The following DLG2 variants were observed in gnomAD, a reference collection of about 807,000 sequenced individuals.
DLG2 encodes disks large homolog 2.
A neutral mutation model predicts 132.5 loss-of-function variants in DLG2; 45 were observed. The observed-to-expected ratio is 0.34, with a 90% CI of 0.27 to 0.44. DLG2 has a LOEUF of 0.44. Among genes scored for constraint, DLG2 ranks in the 20% least tolerant of loss-of-function variants. The pLI, the probability that DLG2 is intolerant of heterozygous loss-of-function variation, is 1.00. For missense variants in DLG2, 1,045 were observed against 1,196.9 expected (o/e 0.87, Z 1.87); for synonymous variants, 424 against 419.6 (o/e 1.01, Z -0.13).
At chr11:85,609,676 C>T (rs976554454) in intron 2 of DLG2, among the ~76,000 whole-genome samples, 4 of 152,182 alleles carry the variant, frequency 2.6e-5, no homozygotes, top group African/African-American at 9.7e-5. Context: ...GACCCAACAA[C>T]AGGACTGAGG....
chr11:83,466,144 C>T (rs547964611), intron 26 of DLG2, among the ~76,000 whole-genome samples: 6 of 152,198 alleles, frequency 3.9e-5, no homozygotes, highest in Non-Finnish European at 7.4e-5. Flanking sequence ...CTATTAAGAA[C>T]GATGTTCTAT....
At chr11:84,671,213 C>A (rs1420553427) in intron 6 of DLG2, among the ~76,000 whole-genome samples, 2 of 151,972 alleles carry the variant, frequency 1.3e-5, no homozygotes, top group East Asian at 1.9e-4. Flanking sequence ...ATCCTCCTAT[C>A]TCAGCCTTCT....
At chr11:85,004,325 C>T (rs551839343) in intron 6 of DLG2, among the ~76,000 whole-genome samples, 1 of 152,306 alleles carries the variant, frequency 6.6e-6, no homozygotes, top group South Asian at 2.1e-4. Context: ...AACTAATTTA[C>T]ACTCCCACCA....
At chr11:84,704,237 G>A (rs2059547158) in intron 6 of DLG2, among the ~76,000 whole-genome samples, 1 of 151,412 alleles carries the variant, frequency 6.6e-6, no homozygotes, top group African/African-American at 2.4e-5. Context: ...CTACCTCTAT[G>A]ACACTCTATG....
intron 7 of DLG2, among the ~76,000 whole-genome samples, chr11:84,272,678 A>G (rs2097740691): frequency 6.6e-6 from 1 of 152,208 alleles, no homozygotes; most frequent in Admixed American, 6.5e-5. Flanking sequence ...ACTTTACTAA[A>G]GAAGCAATTA....
intron 7 of DLG2, among the ~76,000 whole-genome samples, chr11:84,365,646 T>C (rs551821615): frequency 3.9e-5 from 6 of 152,138 alleles, no homozygotes; most frequent in East Asian, 1.9e-4. Flanking sequence ...CTTGTGGGCA[T>C]TGAGTGCTAT....
intron 18 of DLG2, among the ~76,000 whole-genome samples, chr11:83,652,168 T>C (rs1254173015): frequency 1.3e-5 from 2 of 152,202 alleles, no homozygotes; most frequent in African/African-American, 4.8e-5. Flanking sequence ...GCAGCGCAAC[T>C]GGACCCCAGC....
intron 6 of DLG2, among the ~76,000 whole-genome samples, chr11:85,074,813 A>G (rs1349912512): frequency 6.6e-6 from 1 of 151,926 alleles, no homozygotes; most frequent in African/African-American, 2.4e-5. Context: ...GCCCTAGTAC[A>G]TGCATGAAAA....
chr11:85,052,619 T>C (rs1053989441), intron 6 of DLG2, among the ~76,000 whole-genome samples: 1 of 152,232 alleles, frequency 6.6e-6, no homozygotes, highest in Non-Finnish European at 1.5e-5. Flanking sequence ...TAATGACTGA[T>C]ATAAGCACTA....
chr11:85,176,710 C>T (rs1429543083), intron 4 of DLG2, among the ~76,000 whole-genome samples: 1 of 152,006 alleles, frequency 6.6e-6, no homozygotes, highest in East Asian at 1.9e-4. Flanking sequence ...TGCAAACTAT[C>T]CATCTGACGA....
intron 11 of DLG2, among the ~76,000 whole-genome samples, chr11:84,043,876 T>C (rs1311702922): frequency 6.6e-6 from 1 of 151,702 alleles, no homozygotes; most frequent in African/African-American, 2.4e-5. Context: ...CACCCCATTT[T>C]CTACCTTTAT....
intron 6 of DLG2, among the ~76,000 whole-genome samples, chr11:84,563,325 C>G (rs1235220154): frequency 6.6e-6 from 1 of 152,122 alleles, no homozygotes; most frequent in Non-Finnish European, 1.5e-5. Context: ...ATGCATAGTA[C>G]TATTGTGATT....
intron 6 of DLG2, among the ~76,000 whole-genome samples, chr11:84,735,579 A>G (rs1482008069): frequency 1.3e-5 from 2 of 152,052 alleles, no homozygotes; most frequent in African/African-American, 2.4e-5. Flanking sequence ...TTGATTTTCA[A>G]AAAACCAGCT....
intron 10 of DLG2, among the ~76,000 whole-genome samples, chr11:84,068,454 T>A (rs1225452930): frequency 2.6e-5 from 4 of 152,232 alleles, no homozygotes; most frequent in Non-Finnish European, 4.4e-5. Context: ...GCTTATCTCA[T>A]CTTCTAGGAT....
intron 6 of DLG2, among the ~76,000 whole-genome samples, chr11:84,862,136 T>G (rs1156300972): frequency 1.3e-5 from 2 of 151,846 alleles, no homozygotes; most frequent in Non-Finnish European, 1.5e-5. Context: ...TGTATACACA[T>G]GTAACTAACC....
At chr11:84,091,003 A>C (rs576704001) in intron 10 of DLG2, among the ~76,000 whole-genome samples, 1 of 152,340 alleles carries the variant, frequency 6.6e-6, no homozygotes, top group Non-Finnish European at 1.5e-5. Flanking sequence ...AGTATGATCT[A>C]AACTAAGTTT....
At chr11:84,583,551 A>G (rs1329186783) in intron 6 of DLG2, among the ~76,000 whole-genome samples, 1 of 152,230 alleles carries the variant, frequency 6.6e-6, no homozygotes, top group African/African-American at 2.4e-5. Flanking sequence ...GATGTATGCA[A>G]AAGAATACAT....
intron 7 of DLG2, among the ~76,000 whole-genome samples, chr11:84,509,914 C>A (rs1057169587): frequency 6.6e-6 from 1 of 151,722 alleles, no homozygotes; most frequent in Non-Finnish European, 1.5e-5. Flanking sequence ...TTAAAAACTT[C>A]AATGGTTGAA....
rs191540680 is a variant in DLG2, at chr11:85,244,237, T to C, written c.186+40983A>G. Among the ~76,000 whole-genome samples, 18 of 152,140 alleles carry C rather than the reference T, an allele frequency of 1.2e-4. 1 individual carries two copies. Among genetic ancestry groups the C allele is most frequent in the African/African-American group, 3.6e-4 (15 of 41,556 alleles). On this transcript the variant is annotated intron_variant, in intron 4 of 27. Transcript: ENST00000376104. ...TTTTCTTTTAGATGTCAACTTTTAG[T>C]TATAAATTATTTAGAAGTTTAGTAG...
Sources: allele counts gnomAD v4.1 joint callset (sites outside exome capture counted in the v4.1 genomes callset), GRCh38; gene constraint gnomAD v4.1.1; transcripts MANE v1.5; gene names NCBI Gene and HGNC (gene_info 2026-07-23, HGNC 2026-07-21).